Variants in CCDC80 observed in about 807,000 individuals in gnomAD.
CCDC80 encodes coiled-coil domain containing 80, also known as coiled-coil domain-containing protein 80.
A neutral mutation model predicts 78.7 loss-of-function variants in CCDC80; 49 were observed. The ratio of observed to expected loss-of-function variants is 0.62; its 90% CI spans 0.50 to 0.79. The LOEUF is 0.79. CCDC80 is among the 30% of genes least tolerant of loss of function. The pLI is 0.00. For missense variants in CCDC80, 1,205 were observed against 1,198.6 expected, an observed-to-expected ratio of 1.01 and a Z score of -0.08; for synonymous variants, 488 against 447.0, an observed-to-expected ratio of 1.09 and a Z score of -1.16.
chr3:112,639,577 G>A lies in CCDC80; in HGVS notation c.329C>T (p.Ala110Val). 6.2e-7 allele frequency: 1 copy of A among 1,614,144 alleles called. No homozygotes were observed. The highest frequency in any genetic ancestry group is 8.5e-7 in the Non-Finnish European group (1 of 1,180,038). ...AAVRPEQRPA[A>V]RGSPREMIRD... ...GATCATCTCACGCGGAGAGCCCCTG[G>A]CTGCTGGTCTTTGCTCAGGTCTCAC... The change falls in exon 2 of 8, where the codon GCC becomes GTC. Residue 110 changes from alanine to valine, a missense_variant. Transcript: ENST00000206423.
Position 112,598,698 on chromosome 3 carries a change from G to C in CCDC80, c.*6719C>G, listed in dbSNP as rs1201592886. ...AGCTTTAGGATATTAGAGAGATTAC[G>C]CATTTGTGGTCTCAAGTTAGGAAAC... is the stretch of plus-strand genomic sequence containing the variant. On this transcript the variant is annotated 3_prime_UTR_variant, in exon 8 of 8. Coordinates refer to ENST00000206423, the MANE Select transcript of CCDC80 (RefSeq NM_199511.3). 6.6e-6 allele frequency: 1 copy of C among 152,130 alleles called. No homozygotes were observed. The highest frequency in any genetic ancestry group is 2.4e-5 in the African/African-American group (1 of 41,412). The allele number at this position is 152,130 out of a possible 1,614,324, so 9.4% of individuals were successfully genotyped here.
intron 7 of CCDC80, among the ~76,000 whole-genome samples, chr3:112,606,273 G>C (rs1935486904): frequency 6.6e-6 from 1 of 152,260 alleles, no homozygotes; most frequent in African/African-American, 2.4e-5. Context: ...AGGAGAAAAG[G>C]AGCTGACACT....
rs1054276088 is a variant in CCDC80 at position 112,639,080 on chromosome 3, C to A, written c.826G>T (p.Gly276Cys). Reference protein sequence around the residue: ...IRRIEKIRQKGFVQKCKASGV... With the variant: ...IRRIEKIRQKCFVQKCKASGV... ...GAGGCCTTACATTTCTGGACAAAGC[C>A]CTTCTGCCTGATCTTCTCGATCCTA... The change falls in exon 2 of 8, where the codon GGC becomes TGC. Residue 276 changes from glycine to cysteine, a missense_variant. Coordinates refer to ENST00000206423, the MANE Select transcript of CCDC80 (RefSeq NM_199511.3). The A allele has an allele frequency of 1.2e-6, 2 of 1,613,630 alleles. No individual in the cohort carries two copies. The highest frequency in any genetic ancestry group is 3.3e-5 in the Admixed American group (2 of 60,024).
In CCDC80 at chr3:112,638,498, T is replaced by G; in HGVS notation, c.1408A>C (p.Arg470=). 1 of 1,611,064 alleles carries G rather than the reference T, an allele frequency of 6.2e-7. No individual in the cohort carries two copies. The highest frequency in any genetic ancestry group is 1.1e-5 in the South Asian group (1 of 90,818). Residue 470 remains arginine, a synonymous_variant, in exon 2 of 8, where the codon AGG becomes CGG. Transcript: ENST00000206423. ...GGGTCTCGGTGGCCATGTTCCCGCC[T>G]GTCCATGCGGTTGTCCCGGAAACGG... is the stretch of plus-strand genomic sequence containing the variant. ...PGRFRDNRMD[R]REHGHRDPNV...
chr3:112,601,003 C>A lies in CCDC80; in HGVS notation c.*4414G>T, dbSNP rs1354808391. 1 of 152,154 alleles carries A rather than the reference C, an allele frequency of 6.6e-6. No homozygotes were observed. The highest frequency in any genetic ancestry group is 1.5e-5 in the Non-Finnish European group (1 of 68,040). The allele number at this position is 152,154 out of a possible 1,614,324, so 9.4% of individuals were successfully genotyped here. On this transcript the variant is annotated 3_prime_UTR_variant, in exon 8 of 8. Coordinates refer to ENST00000206423, the MANE Select transcript of CCDC80 (RefSeq NM_199511.3). ...GCACACCTCAGGCAGCTTGTACAGA[C>A]TATCCAAGAAAAAATGAGGAGGAAA...
chr3:112,635,339 GGTTAA>G (rs1468299425), intron 2 of CCDC80, among the ~76,000 whole-genome samples: 2 of 152,196 alleles, frequency 1.3e-5, no homozygotes, highest in African/African-American at 4.8e-5. Context: ...GAGTATACTG[GGTTAA>G]GTTAAGGCCA....
chr3:112,619,167 A>G, intron 3 of CCDC80, 63 bp from the exon 4 acceptor site: 2 of 1,459,138 alleles, frequency 1.4e-6, no homozygotes, highest in Non-Finnish European at 1.8e-6. Flanking sequence ...TGGGAGGTGA[A>G]TGGGTGAAGG....
intron 3 of CCDC80, 70 bp downstream of exon 3, chr3:112,630,043 C>G: frequency 6.9e-7 from 1 of 1,439,798 alleles, no homozygotes; most frequent in Admixed American, 1.7e-5. Flanking sequence ...CCCCATGTAC[C>G]TCTACCATAA....
intron 3 of CCDC80, among the ~76,000 whole-genome samples, chr3:112,623,201 C>T (rs1177635292): frequency 2.6e-5 from 4 of 152,176 alleles, no homozygotes; most frequent in African/African-American, 9.7e-5. Context: ...CCCCAAACAT[C>T]AGCAGTCAAA....
Position 112,638,159 on chromosome 3 carries a change from T to A in CCDC80, c.1747A>T (p.Ser583Cys). The A allele has an allele frequency of 1.2e-6, 2 of 1,614,172 alleles. No homozygotes were observed. The highest frequency in any genetic ancestry group is 1.7e-6 in the Non-Finnish European group (2 of 1,179,978). Residue 583 changes from serine to cysteine, a missense_variant, in exon 2 of 8, where the codon AGC becomes TGC. Transcript: ENST00000206423. ...EKKSKQEKEK[S>C]KKKKGGKTEQ... ...GTTTTACCTCCTTTTTTCTTCTTGC[T>A]CTTCTCTTTCTCTTGCTTGCTCTTT...
In CCDC80 at chr3:112,604,330, G is replaced by A. The variant is rs959884394; in HGVS notation, c.*1087C>T. 2.0e-5 allele frequency: 3 copies of A among 152,146 alleles called. No individual in the cohort carries two copies. The highest frequency in any genetic ancestry group is 6.6e-5 in the Admixed American group (1 of 15,264). 9.4% of individuals were successfully genotyped at this position (152,146 alleles called of 1,614,324 possible). A position where few individuals can be genotyped will look rare whatever the true frequency, so the allele number is the denominator to read the frequency against. On this transcript the variant is annotated 3_prime_UTR_variant, in exon 8 of 8. Transcript: ENST00000206423. ...AATCGAAGTGGCAAACTTCATTGCT[G>A]TCTTATTTTAAGAAATTGCCACCAT...
chr3:112,637,478 T>G (rs1251437137), intron 2 of CCDC80, among the ~76,000 whole-genome samples: 1 of 152,230 alleles, frequency 6.6e-6, no homozygotes, highest in African/African-American at 2.4e-5. Flanking sequence ...CAGGCTGTCT[T>G]ACTTTCCTCT....
At chr3:112,629,745 G>C (rs549227992) in intron 3 of CCDC80, among the ~76,000 whole-genome samples, 11 of 152,130 alleles carry the variant, frequency 7.2e-5, no homozygotes, top group African/African-American at 2.7e-4. Flanking sequence ...CACCTGCAGC[G>C]GAGAGTCTGC....
chr3:112,616,530 G>A (rs1375145406), intron 5 of CCDC80, among the ~76,000 whole-genome samples, 180 bp downstream of exon 5: 1 of 151,668 alleles, frequency 6.6e-6, no homozygotes, highest in East Asian at 1.9e-4. Context: ...AGCCAGCCCT[G>A]TAGCCAGAGA....
chr3:112,631,877 TTTTTG>T (rs1365113277), intron 2 of CCDC80, among the ~76,000 whole-genome samples: 1 of 152,160 alleles, frequency 6.6e-6, no homozygotes, highest in Non-Finnish European at 1.5e-5. Context: ...TGGGATGAAG[TTTTTG>T]TTTTGTTTTG....
chr3:112,603,617 A>G lies in CCDC80; in HGVS notation c.*1800T>C, dbSNP rs1935414628. 1 of 149,442 alleles carries G rather than the reference A, an allele frequency of 6.7e-6. No individual in the cohort carries two copies. The allele number at this position is 149,442 out of a possible 1,614,324, so 9.3% of individuals were successfully genotyped here. ...CCAGACCACTATAATATATATATAT[A>G]TAGCTGTTCACTGACAATATACCCA... is the stretch of plus-strand genomic sequence containing the variant. On this transcript the variant is annotated 3_prime_UTR_variant, in exon 8 of 8. Coordinates refer to ENST00000206423, the MANE Select transcript of CCDC80 (RefSeq NM_199511.3).
chr3:112,617,713 G>A (rs373860837), intron 4 of CCDC80, among the ~76,000 whole-genome samples: 16 of 152,126 alleles, frequency 1.1e-4, no homozygotes, highest in African/African-American at 2.4e-4. Context: ...TTTTTTTCCC[G>A]TGAAGATTCT....
At position 112,639,299 on chromosome 3, in the gene CCDC80, T is replaced by G; in HGVS notation, c.607A>C (p.Ile203Leu). The G allele has an allele frequency of 6.2e-7, 1 of 1,614,150 alleles. No homozygotes were observed. The highest frequency in any genetic ancestry group is 2.2e-5 in the East Asian group (1 of 44,876). The change falls in exon 2 of 8, where the codon ATC becomes CTC. Residue 203 changes from isoleucine (I) to leucine (L), a missense_variant. Coordinates refer to ENST00000206423, the MANE Select transcript of CCDC80 (RefSeq NM_199511.3). ...AGEEGGKVRRITSEGQILEQP... is the reference protein window; with the variant it reads ...AGEEGGKVRRLTSEGQILEQP... ...TCCAGGATCTGGCCCTCGCTGGTGA[T>G]CCTTCTCACCTTGCCTCCTTCCTCA...
intron 2 of CCDC80, among the ~76,000 whole-genome samples, chr3:112,636,813 A>C (rs774704509): frequency 6.6e-6 from 1 of 152,214 alleles, no homozygotes; most frequent in Non-Finnish European, 1.5e-5. Context: ...TCACCCAGGC[A>C]TCTGAGAAAA....
Sources: gnomAD v4.1 joint callset for allele counts (sites outside exome capture counted in the v4.1 genomes callset) on GRCh38, gnomAD v4.1.1 for gene constraint, MANE v1.5 for transcripts, NCBI Gene and HGNC (gene_info 2026-07-23, HGNC 2026-07-21) for gene names.